The following PDE5A variants were observed in gnomAD, a reference collection of about 807,000 sequenced individuals.
PDE5A encodes cGMP-specific 3',5'-cyclic phosphodiesterase.
Under a neutral mutation model 110.2 loss-of-function variants are expected in PDE5A, and 67 were observed. The ratio of observed to expected loss-of-function variants is 0.61; its 90% CI spans 0.50 to 0.75. The LOEUF is 0.75. Ranked by LOEUF, PDE5A falls within the 30% of genes least tolerant of loss-of-function variation. PDE5A has a pLI of 0.00. For synonymous variants in PDE5A, 328 were observed against 351.2 expected (o/e 0.93, Z 0.74); for missense variants, 862 against 1,045.1 (o/e 0.82, Z 2.42).
intron 3 of PDE5A, among the ~76,000 whole-genome samples, chr4:119,588,038 T>C (rs1270651540): frequency 2.6e-5 from 4 of 152,224 alleles, no homozygotes; most frequent in Admixed American, 2.6e-4. Context: ...TCCCCAGGGA[T>C]TTCTCTAGCT....
intron 12 of PDE5A, among the ~76,000 whole-genome samples, chr4:119,521,998 T>A (rs1337322180): frequency 6.6e-6 from 1 of 151,948 alleles, no homozygotes; most frequent in African/African-American, 2.4e-5. Flanking sequence ...CCCTGGGAAA[T>A]GGAAAAAGTA....
rs1490667129 is a variant in PDE5A at position 119,525,895 on chromosome 4, A to G, written c.1633-200T>C. ...ACTGAGCCACATAAGGGTAATTAATATGGTTCAAAGTAGGCTAAGTGGAGA... is the reference window on the plus strand; with the variant it reads ...ACTGAGCCACATAAGGGTAATTAATGTGGTTCAAAGTAGGCTAAGTGGAGA... On this transcript the variant is annotated intron_variant, in intron 11 of 20. Coordinates refer to ENST00000354960, the MANE Select transcript of PDE5A (RefSeq NM_001083.4). The surrounding 1 kb of genome is among the most constrained non-coding windows in gnomAD (Gnocchi z 4.3). Among the ~76,000 whole-genome samples the G allele has an allele frequency of 1.3e-5, 2 of 152,232 alleles. No homozygotes were observed. The highest frequency in any genetic ancestry group is 2.9e-5 in the Non-Finnish European group (2 of 68,006).
intron 1 of PDE5A, chr4:119,628,098 G>A: frequency 1.1e-6 from 1 of 931,564 alleles, no homozygotes; most frequent in Non-Finnish European, 1.3e-6. Context: ...GACGGGGGAG[G>A]AGCGGAGCCA....
rs548096169 is a variant in PDE5A, at chr4:119,527,139, C to T, written c.1633-1444G>A. On this transcript the variant is annotated intron_variant, in intron 11 of 20. Coordinates refer to ENST00000354960, the MANE Select transcript of PDE5A (RefSeq NM_001083.4). The stretch of plus-strand genomic sequence containing the variant: ...TTTCCTTAGGGCATCATTATTCTTA[C>T]AGCAGGAAGTTTTCTTTCTTTCCTT... 7 of 152,262 alleles carry T rather than the reference C, an allele frequency of 4.6e-5. No individual in the cohort carries two copies. The East Asian group carries it at 1.4e-3, about 29-fold the overall frequency. The allele number at this position is 152,262 out of a possible 1,614,324, so 9.4% of individuals were successfully genotyped here.
chr4:119,622,886 GA>G (rs1178207407), intron 1 of PDE5A, among the ~76,000 whole-genome samples: 17 of 113,640 alleles, frequency 1.5e-4, no homozygotes, highest in East Asian at 5.1e-4. Flanking sequence ...AAGAAAGAAA[GA>G]AAAAAAAAGC....
Position 119,525,550 on chromosome 4 carries a change from T to C in PDE5A, c.1778A>G (p.Glu593Gly). The change falls in exon 12 of 21, where the codon GAG (glutamate) becomes GGG (glycine). Residue 593 changes from glutamate (E) to glycine (G), a missense_variant and splice_region_variant. By Grantham distance (98) the Glu-to-Gly change is moderately conservative. Coordinates refer to ENST00000354960, the MANE Select transcript of PDE5A (RefSeq NM_001083.4). This position sits in a 1 kb window ranked among gnomAD's most constrained non-coding sequence, Gnocchi z 4.3. ...CAAAGGATGTTGCTGCATTCCTACC[T>C]CATGTTTCATCTGGAAGTTCTGCAC... ...NLVQNFQMKH[E>G]VLCRWILSVK... 3 of 1,612,540 alleles carry C rather than the reference T, an allele frequency of 1.9e-6. No individual in the cohort carries two copies. Among genetic ancestry groups the C allele is most frequent in the Non-Finnish European group, 2.5e-6 (3 of 1,179,008 alleles).
intron 11 of PDE5A, among the ~76,000 whole-genome samples, chr4:119,529,747 G>C (rs1482392576): frequency 6.6e-6 from 1 of 152,128 alleles, no homozygotes; most frequent in Non-Finnish European, 1.5e-5. Flanking sequence ...AATAGCTACA[G>C]TAGTTGCTAC....
chr4:119,616,385 A>T (rs909152986), intron 1 of PDE5A, among the ~76,000 whole-genome samples: 3 of 152,168 alleles, frequency 2.0e-5, no homozygotes, highest in African/African-American at 7.2e-5. Context: ...TCTTGTCATA[A>T]ATGTGACTCA....
chr4:119,514,369 T>G (rs1027016509), intron 14 of PDE5A, among the ~76,000 whole-genome samples: 4 of 152,154 alleles, frequency 2.6e-5, no homozygotes, highest in African/African-American at 9.7e-5. Context: ...CCATATATAT[T>G]ACTCTGGGCT....
At position 119,607,251 on chromosome 4, in the gene PDE5A, C is replaced by A; in HGVS notation, c.199G>T (p.Val67Leu). Residue 67 changes from valine to leucine, a missense_variant, in exon 2 of 21, where the codon GTG (valine) becomes TTG (leucine). Val to Leu is a conservative substitution (Grantham distance 32). Coordinates refer to ENST00000354960, the MANE Select transcript of PDE5A (RefSeq NM_001083.4). The part of the protein sequence containing the change: ...WFAERVHTIP[V>L]CKEGIRGHTE... ...TGGCCTCTGATACCTTCCTTGCACA[C>A]AGGGATGGTGTGAACTCTCTCAGCA... 6.2e-7 allele frequency: 1 copy of A among 1,613,452 alleles called. No homozygotes were observed. The highest frequency in any genetic ancestry group is 8.5e-7 in the Non-Finnish European group (1 of 1,179,956).
chr4:119,590,626 C>T (rs1267565087), intron 3 of PDE5A, among the ~76,000 whole-genome samples: 1 of 152,086 alleles, frequency 6.6e-6, no homozygotes, highest in African/African-American at 2.4e-5. Context: ...ATGATCCTTA[C>T]TTGTAAAAAA....
At chr4:119,573,592 T>A (rs541893550) in intron 3 of PDE5A, among the ~76,000 whole-genome samples, 3 of 152,228 alleles carry the variant, frequency 2.0e-5, no homozygotes, top group Non-Finnish European at 4.4e-5. Flanking sequence ...TTTAAGTGAC[T>A]GGTAAGATTG....
chr4:119,507,442 G>A (rs772183964), intron 16 of PDE5A, among the ~76,000 whole-genome samples, 162 bp downstream of exon 16: 1 of 151,838 alleles, frequency 6.6e-6, no homozygotes, highest in Non-Finnish European at 1.5e-5. Context: ...TAAGCCAAAG[G>A]AGTAGACTTT....
intron 3 of PDE5A, among the ~76,000 whole-genome samples, chr4:119,584,849 A>C (rs1285976416): frequency 6.6e-6 from 1 of 152,244 alleles, no homozygotes; most frequent in Non-Finnish European, 1.5e-5. Flanking sequence ...CAACAGAGGC[A>C]GAAAACGATG....
intron 15 of PDE5A, 24 bp downstream of exon 15, chr4:119,511,023 C>A: frequency 7.8e-7 from 1 of 1,289,672 alleles, no homozygotes; most frequent in South Asian, 1.4e-5. Context: ...TTTAAAATTC[C>A]ACAACAATAA....
At chr4:119,597,444 T>C (rs773982299) in intron 2 of PDE5A, among the ~76,000 whole-genome samples, 1 of 152,068 alleles carries the variant, frequency 6.6e-6, no homozygotes, top group Non-Finnish European at 1.5e-5. Flanking sequence ...CCTTACCATA[T>C]AGTTTAAAGC....
intron 2 of PDE5A, among the ~76,000 whole-genome samples, chr4:119,600,537 T>C (rs1024671963): frequency 1.3e-5 from 2 of 151,916 alleles, no homozygotes; most frequent in Non-Finnish European, 2.9e-5. Flanking sequence ...GCACGGAAAG[T>C]GTAAGATAGG....
intron 3 of PDE5A, among the ~76,000 whole-genome samples, chr4:119,585,200 G>A (rs986051277): frequency 4.6e-5 from 7 of 151,344 alleles, no homozygotes; most frequent in East Asian, 3.9e-4. Flanking sequence ...GCTTGAACCC[G>A]GGAGATGGGG....
rs78355020 is a variant in PDE5A at position 119,615,943 on chromosome 4, T to C, written c.153-8646A>G. On this transcript the variant is annotated intron_variant, in intron 1 of 20. Coordinates refer to ENST00000354960, the MANE Select transcript of PDE5A (RefSeq NM_001083.4). Reference sequence around the variant, plus strand: ...AATGAACATTGAAGCCAATAATTTATAGTCAATGATAAGAGCCTGAGTTTT... The same window carrying C: ...AATGAACATTGAAGCCAATAATTTACAGTCAATGATAAGAGCCTGAGTTTT... Among the ~76,000 whole-genome samples, 250 of 152,282 alleles carry C rather than the reference T, an allele frequency of 1.6e-3. 1 individual carries two copies. Among genetic ancestry groups the C allele is most frequent in the African/African-American group, 5.7e-3 (239 of 41,586 alleles).
Sources: gnomAD v4.1 joint callset for allele counts (sites outside exome capture counted in the v4.1 genomes callset) on GRCh38, gnomAD v4.1.1 for gene constraint, Gnocchi (gnomAD v3.1) non-coding constraint, MANE v1.5 for transcripts, NCBI Gene and HGNC (gene_info 2026-07-23, HGNC 2026-07-21) for gene names.